ULK2: variants seen among roughly 807,000 people sequenced by gnomAD.
The protein encoded by ULK2 is serine/threonine-protein kinase ULK2.
In ULK2, 76 loss-of-function variants were observed where a neutral mutation model predicts 127.5. The observed-to-expected ratio is 0.60, with a 90% confidence interval of 0.50 to 0.72. The LOEUF is 0.72. ULK2 is among the 30% of genes least tolerant of loss of function. ULK2 has a pLI of 0.00. For synonymous variants in ULK2, 452 were observed against 461.9 expected (o/e 0.98, Z 0.28); for missense variants, 1,144 against 1,295.9 (o/e 0.88, Z 1.80).
In ULK2 at chr17:19,795,420, T is replaced by C. The variant is rs551160651; in HGVS notation, c.2101+202A>G. ...TTAGTAACGCACAGGCTGCTGCTCA[T>C]CAAGATACTGAATAAGGTCCTATTC... is the stretch of plus-strand genomic sequence containing the variant. On this transcript the variant is annotated intron_variant, in intron 20 of 26. Coordinates refer to ENST00000395544, the MANE Select transcript of ULK2 (RefSeq NM_014683.4). 6.6e-4 allele frequency among the ~76,000 whole-genome samples: 95 copies of C among 144,730 alleles called. 1 individual carries two copies. Among genetic ancestry groups the C allele is most frequent in the African/African-American group, 2.4e-3 (94 of 39,682 alleles). The allele number at this position is 144,730 out of a possible 152,430, so 94.9% of individuals were successfully genotyped here.
In ULK2 at chr17:19,867,461, T is replaced by TGCG. The variant is rs754852771; in HGVS notation, c.-47_-45dup. 3.9e-5 allele frequency: 60 copies of TGCG among 1,542,064 alleles called. No individual in the cohort carries two copies. The Admixed American group carries it at 1.1e-3, about 28-fold the overall frequency. ...CACAGCGGACGGGCGGGCGGCGCAG[T>TGCG]GCGGCGCAGGTATCAGCACCGCGGC... On this transcript the variant is annotated 5_prime_UTR_variant, in exon 1 of 27. Transcript: ENST00000395544.
intron 10 of ULK2, among the ~76,000 whole-genome samples, chr17:19,837,580 T>C (rs1271574076): frequency 6.6e-6 from 1 of 152,208 alleles, no homozygotes; most frequent in Non-Finnish European, 1.5e-5. Context: ...ACTCCTCATC[T>C]TGTCCCCATA....
At position 19,862,263 on chromosome 17, in the gene ULK2, A is replaced by AT. The variant is rs1198411208; in HGVS notation, c.225+2539dup. Among the ~76,000 whole-genome samples the AT allele has an allele frequency of 4.0e-5, 6 of 151,770 alleles. No homozygotes were observed. The East Asian group carries it at 1.2e-3, about 30-fold the overall frequency. Reference sequence around the variant, plus strand: ...AGGCACCTGCCACCACACCCAGCTGATTTTTTTATTTTTAGCAGAGACAGA... The same window carrying AT: ...AGGCACCTGCCACCACACCCAGCTGATTTTTTTTATTTTTAGCAGAGACAGA... On this transcript the variant is annotated intron_variant, in intron 3 of 26. Coordinates refer to ENST00000395544, the MANE Select transcript of ULK2 (RefSeq NM_014683.4).
intron 20 of ULK2, among the ~76,000 whole-genome samples, chr17:19,789,961 A>T (rs1159538467): frequency 6.6e-6 from 1 of 152,066 alleles, no homozygotes; most frequent in Admixed American, 6.6e-5. Flanking sequence ...AGTAGAAAAG[A>T]CTAAACAATG....
chr17:19,780,609 G>C lies in ULK2; in HGVS notation c.2779C>G (p.Arg927Gly). The C allele has an allele frequency of 6.2e-7, 1 of 1,605,886 alleles. No homozygotes were observed. The change falls in exon 25 of 27, where the codon CGA becomes GGA. Residue 927 changes from arginine (R) to glycine (G), a missense_variant. Physicochemically the swap from Arg to Gly is moderately radical, Grantham distance 125. Around this residue, in one of 2 missense-constraint regions of ULK2, gnomAD observed 913 missense variants for 970.5 expected, o/e 0.94. Transcript: ENST00000395544. ...VKQVVKNLNE[R>G]YKFCITMCKK... ...CACATGGTGATGCAGAATTTATATC[G>C]TTCGTTCAGATTCTTGACAACTGAA... is the stretch of plus-strand genomic sequence containing the variant.
intron 3 of ULK2, among the ~76,000 whole-genome samples, chr17:19,852,708 G>A (rs192280595): frequency 6.7e-4 from 100 of 149,826 alleles, no homozygotes; most frequent in African/African-American, 2.3e-3. Flanking sequence ...TCAGCTCACT[G>A]CAAGCTCCAC....
At chr17:19,791,307 C>T (rs773591964) in intron 20 of ULK2, among the ~76,000 whole-genome samples, 2 of 152,142 alleles carry the variant, frequency 1.3e-5, no homozygotes, top group Admixed American at 1.3e-4. Context: ...TGCAGCACTT[C>T]GGGAGGCTGA....
At chr17:19,785,869 G>A in intron 21 of ULK2, 68 bp downstream of exon 21, 1 of 1,551,808 alleles carries the variant, frequency 6.4e-7, no homozygotes, top group Admixed American at 2.0e-5. Context: ...TTACAACACT[G>A]AGTCATTTGT....
chr17:19,822,786 AAG>A (rs2041188019), intron 12 of ULK2, among the ~76,000 whole-genome samples: 1 of 152,018 alleles, frequency 6.6e-6, no homozygotes, highest in Non-Finnish European at 1.5e-5. Flanking sequence ...TCCCGGGTTC[AAG>A]CGATTCTCCT....
intron 20 of ULK2, among the ~76,000 whole-genome samples, chr17:19,793,747 A>T (rs1290790777): frequency 6.6e-6 from 1 of 152,062 alleles, no homozygotes; most frequent in Non-Finnish European, 1.5e-5. Context: ...TAAACAAAAA[A>T]CCTCACACTA....
intron 19 of ULK2, 129 bp downstream of exon 19, chr17:19,795,966 T>C (rs1196620343): frequency 2.3e-6 from 3 of 1,284,328 alleles, no homozygotes; most frequent in Admixed American, 5.0e-5. Context: ...ATGTACGTGG[T>C]ACATATCAAT....
chr17:19,840,576 A>G, intron 9 of ULK2: 2 of 262,284 alleles, frequency 7.6e-6, no homozygotes, highest in Non-Finnish European at 1.5e-5. Context: ...TTTAAAAAAA[A>G]AAAAAAAAGC....
chr17:19,838,204 CTTT>C (rs2041645458), intron 10 of ULK2, among the ~76,000 whole-genome samples: 1 of 145,172 alleles, frequency 6.9e-6, no homozygotes, highest in Non-Finnish European at 1.5e-5. Context: ...ACCCCCACTT[CTTT>C]ATTCCCATAA....
intron 12 of ULK2, among the ~76,000 whole-genome samples, chr17:19,817,988 C>T (rs899189434): frequency 2.0e-5 from 3 of 152,050 alleles, no homozygotes; most frequent in Non-Finnish European, 4.4e-5. Context: ...CTCAACCATG[C>T]GCTAGGCACT....
At chr17:19,798,294 A>G (rs1039047035) in intron 17 of ULK2, among the ~76,000 whole-genome samples, 1 of 152,218 alleles carries the variant, frequency 6.6e-6, no homozygotes, top group African/African-American at 2.4e-5. Context: ...AACCGAAAGC[A>G]TCCATATTCT....
intron 22 of ULK2, among the ~76,000 whole-genome samples, chr17:19,783,209 T>C (rs939921230): frequency 6.6e-6 from 1 of 151,968 alleles, no homozygotes; most frequent in Non-Finnish European, 1.5e-5. Context: ...TCCTAGCACT[T>C]TGGGAGGCAG....
At chr17:19,839,611 A>C (rs889261892) in intron 9 of ULK2, among the ~76,000 whole-genome samples, 2 of 151,406 alleles carry the variant, frequency 1.3e-5, no homozygotes, top group African/African-American at 2.4e-5. Flanking sequence ...GCAGTGAGCC[A>C]AGATCGTGCC....
Position 19,815,046 on chromosome 17 carries a change from T to C in ULK2, c.1096+1703A>G, listed in dbSNP as rs532720940. 6.6e-5 allele frequency among the ~76,000 whole-genome samples: 10 copies of C among 152,296 alleles called. No homozygotes were observed. In the South Asian group the frequency reaches 2.1e-3, roughly 32 times the overall value. ...CTTCAGTGAGCATTTCCATTGGGCA[T>C]CATGCTGGCACTCTAAAAGTTTCAG... is the stretch of plus-strand genomic sequence containing the variant. On this transcript the variant is annotated intron_variant, in intron 13 of 26. Coordinates refer to ENST00000395544, the MANE Select transcript of ULK2 (RefSeq NM_014683.4).
intron 13 of ULK2, among the ~76,000 whole-genome samples, chr17:19,815,235 TACTTA>T (rs1006899858): frequency 2.9e-4 from 44 of 152,220 alleles, no homozygotes; most frequent in African/African-American, 9.6e-4. Flanking sequence ...ACTTTAGCTG[TACTTA>T]ACAGCATTTT....
Sources: gnomAD v4.1 joint callset for allele counts (sites outside exome capture counted in the v4.1 genomes callset) on GRCh38, gnomAD v4.1.1 for gene constraint, gnomAD v4.1.1 regional missense constraint, MANE v1.5 for transcripts, NCBI Gene and HGNC (gene_info 2026-07-23, HGNC 2026-07-21) for gene names.